SATB1: variants seen among roughly 807,000 people sequenced by gnomAD.
SATB1 encodes the protein DNA-binding protein SATB1.
In SATB1, 11 loss-of-function variants were observed where a neutral mutation model predicts 86.9. The observed-to-expected ratio is 0.13, with a 90% CI of 0.08 to 0.21. SATB1 has a LOEUF of 0.21. Ranked by LOEUF, SATB1 falls within the 10% of genes least tolerant of loss-of-function variation. The probability of loss-of-function intolerance (pLI) is 1.00; values close to 1 mark genes in which losing one functional copy is unlikely to be tolerated. For synonymous variants in SATB1, 357 were observed against 357.2 expected, an observed-to-expected ratio of 1.00 and a Z score of 0.01; for missense variants, 551 against 937.6, an observed-to-expected ratio of 0.59 and a Z score of 5.39.
chr3:18,434,755 A>G (rs1045567551), intron 2 of SATB1, among the ~76,000 whole-genome samples: 2 of 152,132 alleles, frequency 1.3e-5, no homozygotes, highest in Admixed American at 6.5e-5. Flanking sequence ...TCTTTCTTCA[A>G]TTAAAAAAAT....
intron 9 of SATB1, among the ~76,000 whole-genome samples, chr3:18,359,816 C>T (rs761866652): frequency 2.6e-5 from 4 of 151,630 alleles, no homozygotes; most frequent in Non-Finnish European, 5.9e-5. Context: ...TTAAAAAAAA[C>T]AGAAAACTCA....
chr3:18,445,066 G>C (rs1019941034), intron 1 of SATB1: 1 of 330,226 alleles, frequency 3.0e-6, no homozygotes, highest in East Asian at 1.7e-4. Flanking sequence ...CCCGGGACGC[G>C]CATCCAGACG....
chr3:18,351,912 G>A (rs1694382059), intron 10 of SATB1, 80 bp downstream of exon 10: 2 of 1,355,848 alleles, frequency 1.5e-6, no homozygotes, highest in Non-Finnish European at 2.1e-6. Flanking sequence ...CTGGCAGGAG[G>A]AAGAGAAACG....
intron 5 of SATB1, among the ~76,000 whole-genome samples, chr3:18,412,791 C>T (rs1412781846): frequency 1.3e-5 from 2 of 151,950 alleles, no homozygotes; most frequent in East Asian, 3.9e-4. Flanking sequence ...ATTTTAATAA[C>T]TCTAGACAGA....
At chr3:18,397,367 C>A in intron 5 of SATB1, 77 bp from the exon 6 acceptor site, 12 of 878,618 alleles carry the variant, frequency 1.4e-5, no homozygotes, top group Non-Finnish European at 2.1e-5. Flanking sequence ...TCAATTGTGG[C>A]AACTGTATTT....
Position 18,420,882 on chromosome 3 carries a change from T to C in SATB1, c.86A>G (p.Lys29Arg), listed in dbSNP as rs1698358096. The C allele has an allele frequency of 1.2e-6, 2 of 1,614,098 alleles. No individual in the cohort carries two copies. Among genetic ancestry groups the C allele is most frequent in the Admixed American group, 1.7e-5 (1 of 60,002 alleles). Residue 29 changes from lysine to arginine, a missense_variant, in exon 2 of 11, where the codon AAG becomes AGG. Transcript: ENST00000338745. The part of the protein sequence containing the change: ...NVSDPKGPPA[K>R]IARLEQNGSP... ...CCCGTTCTGCTCCAGGCGGGCAATC[T>C]TGGCTGGTGGACCCTTCGGATCACT...
At position 18,352,971 on chromosome 3, in the gene SATB1, G is replaced by A. The variant is rs940694378; in HGVS notation, c.1576-776C>T. The A allele has an allele frequency of 6.6e-6, 1 of 152,166 alleles. No homozygotes were observed. The highest frequency in any genetic ancestry group is 2.1e-4 in the South Asian group (1 of 4,824). The allele number at this position is 152,166 out of a possible 1,614,324, so 9.4% of individuals were successfully genotyped here. The stretch of plus-strand genomic sequence containing the variant: ...ACCCTGAGGTTATCTATCAAGAACT[G>A]AATGATCATGAAGAATATATTTTCC... On this transcript the variant is annotated intron_variant, in intron 9 of 10. Coordinates refer to ENST00000338745, the MANE Select transcript of SATB1 (RefSeq NM_002971.6). This position sits in a 1 kb window ranked among gnomAD's most constrained non-coding sequence, Gnocchi z 4.1.
intron 9 of SATB1, among the ~76,000 whole-genome samples, chr3:18,363,278 T>G (rs1348273578): frequency 2.6e-5 from 4 of 152,176 alleles, no homozygotes; most frequent in Non-Finnish European, 4.4e-5. Context: ...GCTGATAAAG[T>G]GTCCAAAACC....
At chr3:18,438,240 A>G (rs1406418533) in intron 1 of SATB1, among the ~76,000 whole-genome samples, 3 of 152,226 alleles carry the variant, frequency 2.0e-5, no homozygotes, top group Non-Finnish European at 1.5e-5. Context: ...AGGAATCTCT[A>G]GCAATCAACT....
chr3:18,384,950 T>C (rs1409925363), intron 8 of SATB1, among the ~76,000 whole-genome samples: 1 of 152,192 alleles, frequency 6.6e-6, no homozygotes, highest in Non-Finnish European at 1.5e-5. Context: ...TCTGTTCCTA[T>C]AGACATCAAG....
At chr3:18,399,669 T>G (rs887604856) in intron 5 of SATB1, among the ~76,000 whole-genome samples, 2 of 152,162 alleles carry the variant, frequency 1.3e-5, no homozygotes, top group Non-Finnish European at 2.9e-5. Context: ...TGTCACATGG[T>G]GTATGCTTAG....
At chr3:18,356,499 A>AT (rs1694648969) in intron 9 of SATB1, among the ~76,000 whole-genome samples, 1 of 151,756 alleles carries the variant, frequency 6.6e-6, no homozygotes, top group African/African-American at 2.4e-5. Flanking sequence ...AAACTCAATG[A>AT]TAACACAATG....
chr3:18,437,971 T>C (rs1219575439), intron 1 of SATB1, among the ~76,000 whole-genome samples: 1 of 152,186 alleles, frequency 6.6e-6, no homozygotes, highest in African/African-American at 2.4e-5. Flanking sequence ...TGATTTCCAT[T>C]GTCTGTTTCA....
chr3:18,416,886 C>G lies in SATB1; in HGVS notation c.388+16G>C, dbSNP rs137922636. ...ATGCTAAGCAATTTTTCCAACCCCA[C>G]GTACACATTATTTACCTTTGGCCTG... On this transcript the variant is annotated intron_variant, in intron 3 of 10. Transcript: ENST00000338745. The G allele has an allele frequency of 6.3e-7, 1 of 1,586,290 alleles. No homozygotes were observed. Among genetic ancestry groups the G allele is most frequent in the East Asian group, 2.2e-5 (1 of 44,558 alleles).
At chr3:18,351,534 C>T (rs1466550272) in intron 10 of SATB1, 3 of 660,404 alleles carry the variant, frequency 4.5e-6, no homozygotes, top group Non-Finnish European at 7.7e-6. Context: ...AATTAAGCTT[C>T]CCTCCCCTCC....
At chr3:18,426,588 G>A (rs1198779017), upstream of SATB1, among the ~76,000 whole-genome samples, 3 of 152,166 alleles carry the variant, frequency 2.0e-5, no homozygotes, top group African/African-American at 7.2e-5. This position sits in a 1 kb window ranked among gnomAD's most constrained non-coding sequence, Gnocchi z 4.2. Flanking sequence ...ATATTACAAT[G>A]TAACCCAAAA....
intron 9 of SATB1, among the ~76,000 whole-genome samples, chr3:18,362,502 G>A (rs1269569014): frequency 2.0e-5 from 3 of 151,902 alleles, no homozygotes; most frequent in African/African-American, 7.3e-5. Context: ...GAGGGCTCAT[G>A]TATAGTAGCA....
chr3:18,428,169 C>A (rs182743916), upstream of SATB1, among the ~76,000 whole-genome samples: 264 of 152,236 alleles, frequency 1.7e-3, no homozygotes, highest in African/African-American at 6.0e-3. Flanking sequence ...GGTGGAGGGG[C>A]CTCATCTGGT....
upstream of SATB1, among the ~76,000 whole-genome samples, chr3:18,439,566 T>C (rs977442102): frequency 2.6e-5 from 4 of 152,184 alleles, no homozygotes; most frequent in African/African-American, 9.6e-5. Context: ...GAACAGCATT[T>C]AGGAACGATA....
Sources: allele counts gnomAD v4.1 joint callset (sites outside exome capture counted in the v4.1 genomes callset), GRCh38; gene constraint gnomAD v4.1.1; non-coding constraint Gnocchi (gnomAD v3.1); transcripts MANE v1.5; gene names NCBI Gene and HGNC (gene_info 2026-07-23, HGNC 2026-07-21).